The following TMEM132D variants were observed in gnomAD, a reference collection of about 807,000 sequenced individuals.
TMEM132D encodes mature OL transmembrane protein.
TMEM132D carries 21 observed loss-of-function variants against 62.3 expected under a neutral mutation model. The observed-to-expected ratio is 0.34, with a 90% CI of 0.24 to 0.49. The LOEUF (loss-of-function observed/expected upper bound fraction) is 0.49, where lower values mean the gene tolerates loss of function less well. Ranked by LOEUF, TMEM132D falls within the 20% of genes least tolerant of loss-of-function variation. The pLI, the probability that TMEM132D is intolerant of heterozygous loss-of-function variation, is 0.99. For synonymous variants in TMEM132D, 621 were observed against 575.6 expected, an observed-to-expected ratio of 1.08 and a Z score of -1.13; for missense variants, 1,346 against 1,402.8, an observed-to-expected ratio of 0.96 and a Z score of 0.65.
intron 3 of TMEM132D, among the ~76,000 whole-genome samples, chr12:129,402,004 G>A (rs372219055): frequency 1.8e-4 from 27 of 152,298 alleles, no homozygotes; most frequent in Non-Finnish European, 2.5e-4. Flanking sequence ...AGGGTGGCAC[G>A]TTCTCAGTGA....
At chr12:129,591,273 C>A (rs1210951954) in intron 2 of TMEM132D, among the ~76,000 whole-genome samples, 1 of 152,152 alleles carries the variant, frequency 6.6e-6, no homozygotes, top group Non-Finnish European at 1.5e-5. Context: ...TAAATGACAA[C>A]ATCAATTATC....
chr12:129,309,470 C>T (rs1881921158), intron 4 of TMEM132D, among the ~76,000 whole-genome samples: 1 of 152,100 alleles, frequency 6.6e-6, no homozygotes. Context: ...TATAATAATA[C>T]ACAAGGGAGT....
At chr12:129,797,095 A>G (rs957600250) in intron 1 of TMEM132D, among the ~76,000 whole-genome samples, 2 of 152,144 alleles carry the variant, frequency 1.3e-5, no homozygotes, top group Non-Finnish European at 2.9e-5. Flanking sequence ...AACTCACTTC[A>G]TATTTCAAAG....
chr12:129,085,410 G>A (rs1171718743), intron 5 of TMEM132D: 2 of 152,270 alleles, frequency 1.3e-5, no homozygotes, highest in African/African-American at 4.8e-5. Context: ...ATTCCCTAGA[G>A]GGGCTCGATG....
chr12:129,089,314 A>C (rs1230157090), intron 5 of TMEM132D, among the ~76,000 whole-genome samples: 11 of 36,610 alleles, frequency 3.0e-4, no homozygotes, highest in African/African-American at 1.7e-3. Flanking sequence ...GGTGTCCTCC[A>C]TGACCGGGTG....
chr12:129,432,159 T>TTGGATGGATGGA (rs767215290), intron 3 of TMEM132D, among the ~76,000 whole-genome samples: 163 of 134,458 alleles, frequency 1.2e-3, no homozygotes, highest in Middle Eastern at 3.8e-3. Flanking sequence ...GGATGGATGC[T>TTGGATGGATGGA]TGGATGGATG....
intron 1 of TMEM132D, among the ~76,000 whole-genome samples, chr12:129,736,197 A>C (rs1404059457): frequency 6.6e-6 from 1 of 152,222 alleles, no homozygotes; most frequent in Non-Finnish European, 1.5e-5. Flanking sequence ...TCTAAAGAGG[A>C]ACATGCCCTA....
intron 1 of TMEM132D, among the ~76,000 whole-genome samples, chr12:129,843,310 A>T (rs1476059430): frequency 6.6e-6 from 1 of 152,244 alleles, no homozygotes. Context: ...ATTAGAAGAT[A>T]AATCTATCTA....
chr12:129,357,902 G>C (rs757692880), intron 3 of TMEM132D, among the ~76,000 whole-genome samples: 2 of 152,206 alleles, frequency 1.3e-5, no homozygotes, highest in Non-Finnish European at 2.9e-5. Flanking sequence ...TCATTATCAA[G>C]ATGAAAGTCA....
chr12:129,234,134 GTGAT>G (rs1348255407), intron 4 of TMEM132D, among the ~76,000 whole-genome samples: 1 of 152,158 alleles, frequency 6.6e-6, no homozygotes, highest in African/African-American at 2.4e-5. Context: ...CTTCATAAAA[GTGAT>G]TGCAGGAGAA....
chr12:129,136,182 G>A (rs1434597020), intron 5 of TMEM132D, among the ~76,000 whole-genome samples: 2 of 152,146 alleles, frequency 1.3e-5, no homozygotes, highest in African/African-American at 4.8e-5. Flanking sequence ...AAGAGGAGTT[G>A]AAAATATAGA....
chr12:129,280,105 A>C (rs1044282335), intron 4 of TMEM132D, among the ~76,000 whole-genome samples: 1 of 152,212 alleles, frequency 6.6e-6, no homozygotes, highest in African/African-American at 2.4e-5. Context: ...TGCTGTCTTC[A>C]TAAAGGGAAA....
intron 3 of TMEM132D, among the ~76,000 whole-genome samples, chr12:129,435,715 A>G (rs1477911673): frequency 6.6e-6 from 1 of 152,246 alleles, no homozygotes; most frequent in East Asian, 1.9e-4. Flanking sequence ...CCTTCATTTT[A>G]TGGTTAAGTC....
chr12:129,197,643 T>C (rs570583851), intron 5 of TMEM132D, among the ~76,000 whole-genome samples: 1 of 152,146 alleles, frequency 6.6e-6, no homozygotes, highest in African/African-American at 2.4e-5. Context: ...AAAAATCAAC[T>C]CAAAATAAAG....
intron 5 of TMEM132D, among the ~76,000 whole-genome samples, chr12:129,146,640 C>T (rs547488360): frequency 3.5e-4 from 54 of 152,300 alleles, no homozygotes; most frequent in African/African-American, 1.3e-3. Context: ...AGCAATATTT[C>T]CCTCAGCATA....
At chr12:129,584,924 G>T (rs1877981657) in intron 2 of TMEM132D, among the ~76,000 whole-genome samples, 1 of 152,168 alleles carries the variant, frequency 6.6e-6, no homozygotes, top group Admixed American at 6.5e-5. Flanking sequence ...AGCCAGCATG[G>T]GGTGTTGCAT....
intron 5 of TMEM132D, among the ~76,000 whole-genome samples, chr12:129,105,631 GA>G (rs1262800430): frequency 6.7e-6 from 1 of 149,926 alleles, no homozygotes; most frequent in Non-Finnish European, 1.5e-5. Flanking sequence ...ATCCTCAAAG[GA>G]AGACATTTAT....
chr12:129,563,342 T>C (rs529697905), intron 2 of TMEM132D, among the ~76,000 whole-genome samples: 1 of 152,350 alleles, frequency 6.6e-6, no homozygotes, highest in African/African-American at 2.4e-5. Flanking sequence ...TTTGTTCTTT[T>C]ATGTATTTTT....
In TMEM132D at chr12:129,072,681, C is replaced by T. The variant is rs1874111457; in HGVS notation, c.*1194G>A. ...ACCACTTTCACACCCAGAACCCCCCCAACTCCACACGCCCTGCACGTTCCA... is the reference window on the plus strand; with the variant it reads ...ACCACTTTCACACCCAGAACCCCCCTAACTCCACACGCCCTGCACGTTCCA... On this transcript the variant is annotated 3_prime_UTR_variant, in exon 9 of 9. Coordinates refer to ENST00000422113, the MANE Select transcript of TMEM132D (RefSeq NM_133448.3). The T allele has an allele frequency of 6.6e-6, 1 of 151,780 alleles. No homozygotes were observed. The highest frequency in any genetic ancestry group is 1.5e-5 in the Non-Finnish European group (1 of 68,282). The allele number at this position is 151,780 out of a possible 1,614,324, so 9.4% of individuals were successfully genotyped here. A position where few individuals can be genotyped will look rare whatever the true frequency, so the allele number is the denominator to read the frequency against.
Sources: gnomAD v4.1 joint callset for allele counts (sites outside exome capture counted in the v4.1 genomes callset) on GRCh38, gnomAD v4.1.1 for gene constraint, MANE v1.5 for transcripts, NCBI Gene and HGNC (gene_info 2026-07-23, HGNC 2026-07-21) for gene names.